Variants in RBFOX1 observed in about 807,000 individuals in gnomAD.
RBFOX1 encodes the protein RNA binding protein fox-1 homolog 1.
Under a neutral mutation model 57.7 loss-of-function variants are expected in RBFOX1, and 8 were observed. The ratio of observed to expected loss-of-function variants is 0.14; its 90% CI spans 0.08 to 0.25. The LOEUF (loss-of-function observed/expected upper bound fraction) is 0.25. Among genes scored for constraint, RBFOX1 ranks in the 10% least tolerant of loss-of-function variants. RBFOX1 has a pLI of 1.00. For missense variants in RBFOX1, 611 were observed against 548.5 expected (o/e 1.11, Z -1.14); for synonymous variants, 326 against 222.4 (o/e 1.47, Z -4.15).
chr16:7,420,742 T>C (rs2098533036), intron 4 of RBFOX1, among the ~76,000 whole-genome samples: 1 of 151,880 alleles, frequency 6.6e-6, no homozygotes, highest in Admixed American at 6.5e-5. Context: ...CAATTACATC[T>C]AGAGCATTTT....
chr16:5,595,415 C>A (rs1449352172), intron 2 of RBFOX1, among the ~76,000 whole-genome samples: 1 of 152,118 alleles, frequency 6.6e-6, no homozygotes, highest in Non-Finnish European at 1.5e-5. Context: ...GCATACATTT[C>A]CAGGGGAGAC....
At chr16:7,582,169 A>C (rs990677751) in intron 6 of RBFOX1, among the ~76,000 whole-genome samples, 8 of 152,078 alleles carry the variant, frequency 5.3e-5, no homozygotes, top group African/African-American at 1.4e-4. Context: ...CTGGGACTAC[A>C]TGCATTCACC....
chr16:6,495,856 T>C (rs911101475), intron 2 of RBFOX1, among the ~76,000 whole-genome samples: 2 of 152,260 alleles, frequency 1.3e-5, no homozygotes, highest in Non-Finnish European at 1.5e-5. Context: ...GGTTGTCCAT[T>C]GTATTCACAA....
chr16:6,655,393 A>AAAAAAAAAG, intron 3 of RBFOX1, among the ~76,000 whole-genome samples: 1 of 138,412 alleles, frequency 7.2e-6, no homozygotes, highest in Non-Finnish European at 1.5e-5. Flanking sequence ...AAAAAAAAAA[A>AAAAAAAAAG]AAAAAAAAAA....
At chr16:5,483,560 C>G (rs2069620424) in intron 2 of RBFOX1, among the ~76,000 whole-genome samples, 1 of 152,212 alleles carries the variant, frequency 6.6e-6, no homozygotes, top group African/African-American at 2.4e-5. Flanking sequence ...GCCACCGTAG[C>G]TGTCAGGCTC....
intron 3 of RBFOX1, among the ~76,000 whole-genome samples, chr16:5,811,753 C>G (rs1027337951): frequency 6.6e-6 from 1 of 152,146 alleles, no homozygotes; most frequent in East Asian, 1.9e-4. Context: ...TAGGCCAGGA[C>G]AAACTATTTT....
rs1226318370 is a variant in RBFOX1, at chr16:5,413,631, T to A, written c.220-53585T>A. The stretch of plus-strand genomic sequence containing the variant: ...CCTGTCTAGGGCATTTATTCATTCG[T>A]TTAACTCTCATTACTGAGGACTTGC... On this transcript the variant is annotated intron_variant, in intron 1 of 2. Transcript: ENST00000585867. 2.0e-5 allele frequency among the ~76,000 whole-genome samples: 3 copies of A among 152,320 alleles called. No individual in the cohort carries two copies. In the East Asian group the frequency reaches 5.8e-4, roughly 29 times the overall value.
intron 4 of RBFOX1, among the ~76,000 whole-genome samples, chr16:7,273,139 G>C (rs13334160): frequency 0.4 from 28,914 of 71,738 alleles, 8,723 homozygotes; most frequent in African/African-American, 0.75. Flanking sequence ...CTCCTTCCCT[G>C]CTTCCTTCTT....
chr16:7,384,607 T>C (rs141936842), intron 4 of RBFOX1, among the ~76,000 whole-genome samples: 62 of 152,272 alleles, frequency 4.1e-4, no homozygotes, highest in African/African-American at 1.3e-3. Flanking sequence ...AGAGGGGTCA[T>C]GGAGTGAACA....
At chr16:5,348,089 A>G (rs943518100) in intron 1 of RBFOX1, among the ~76,000 whole-genome samples, 1 of 98,202 alleles carries the variant, frequency 1.0e-5, no homozygotes, top group Admixed American at 1.3e-4. Flanking sequence ...TCACTCACCC[A>G]CTGTTCACCC....
chr16:7,471,626 T>A (rs531837292), intron 4 of RBFOX1, among the ~76,000 whole-genome samples: 1 of 152,334 alleles, frequency 6.6e-6, no homozygotes, highest in East Asian at 1.9e-4. Context: ...ATGGCTTCTT[T>A]ACCCATGAGC....
At chr16:7,105,514 G>T (rs1249723462) in intron 4 of RBFOX1, among the ~76,000 whole-genome samples, 2 of 151,962 alleles carry the variant, frequency 1.3e-5, no homozygotes, top group African/African-American at 2.4e-5. Context: ...AAAGTCCATT[G>T]TGTCATTCTT....
At chr16:6,985,093 C>T (rs555475619) in intron 3 of RBFOX1, among the ~76,000 whole-genome samples, 9 of 152,180 alleles carry the variant, frequency 5.9e-5, no homozygotes, top group South Asian at 2.1e-4. Flanking sequence ...GGAATTTCCT[C>T]TCCCCTCTCC....
intron 3 of RBFOX1, among the ~76,000 whole-genome samples, chr16:6,833,042 A>C (rs1567464703): frequency 6.6e-6 from 1 of 152,074 alleles, no homozygotes; most frequent in Non-Finnish European, 1.5e-5. Context: ...CTTTTCTCTT[A>C]TTCAAATATT....
intron 3 of RBFOX1, among the ~76,000 whole-genome samples, chr16:5,764,199 G>C (rs1050067686): frequency 2.0e-5 from 3 of 152,200 alleles, no homozygotes; most frequent in African/African-American, 7.2e-5. Flanking sequence ...CCAGCTCACA[G>C]CCAATGTCAT....
intron 1 of RBFOX1, among the ~76,000 whole-genome samples, chr16:6,188,418 C>A (rs1179326035): frequency 1.8e-4 from 22 of 124,116 alleles, no homozygotes; most frequent in African/African-American, 4.3e-4. Flanking sequence ...TTGTTTTAGC[C>A]AAAAAAAAAA....
At chr16:6,821,683 A>C (rs550560598) in intron 3 of RBFOX1, among the ~76,000 whole-genome samples, 1 of 152,324 alleles carries the variant, frequency 6.6e-6, no homozygotes, top group African/African-American at 2.4e-5. Flanking sequence ...AATGTTTGCA[A>C]GATTAATTCA....
rs555759784 is a variant in RBFOX1, at chr16:5,545,175, A to G, written c.259-53727A>G. Among the ~76,000 whole-genome samples, 3 of 151,732 alleles carry G rather than the reference A, an allele frequency of 2.0e-5. No homozygotes were observed. In the South Asian group the frequency reaches 6.3e-4, roughly 32 times the overall value. Reference sequence around the variant, plus strand: ...TATTTTTTAGTAGAGACAGGGTTTCACTCTGTTGGCCAGGCTGGTCTTGAA... The same window carrying G: ...TATTTTTTAGTAGAGACAGGGTTTCGCTCTGTTGGCCAGGCTGGTCTTGAA... On this transcript the variant is annotated intron_variant, in intron 2 of 2. Transcript: ENST00000585867.
In RBFOX1 at chr16:7,235,933, A is replaced by G. The variant is rs1309554602; in HGVS notation, c.27+183835A>G. ...CTCCTGTGAATGTTCTCTCTTAATGACAGCCAATTTCAATATTCATTAGAA... is the reference window on the plus strand; with the variant it reads ...CTCCTGTGAATGTTCTCTCTTAATGGCAGCCAATTTCAATATTCATTAGAA... On this transcript the variant is annotated intron_variant, in intron 4 of 15. Transcript: ENST00000550418. Among the ~76,000 whole-genome samples, 3 of 152,190 alleles carry G rather than the reference A, an allele frequency of 2.0e-5. No individual in the cohort carries two copies. The East Asian group carries it at 5.8e-4, about 29-fold the overall frequency.
Sources: gnomAD v4.1 joint callset for allele counts (sites outside exome capture counted in the v4.1 genomes callset) on GRCh38, gnomAD v4.1.1 for gene constraint, MANE v1.5 for transcripts, NCBI Gene and HGNC (gene_info 2026-07-23, HGNC 2026-07-21) for gene names.